Variants in PPM1L observed in about 807,000 individuals in gnomAD.
PPM1L encodes the protein protein phosphatase 1L.
PPM1L carries 13 observed loss-of-function variants against 31.4 expected under a neutral mutation model. The observed-to-expected ratio is 0.41, with a 90% confidence interval of 0.27 to 0.66. The LOEUF (loss-of-function observed/expected upper bound fraction) is 0.66, where lower values mean the gene tolerates loss of function less well. PPM1L is among the 30% of genes least tolerant of loss of function. The pLI, the probability that PPM1L is intolerant of heterozygous loss-of-function variation, is 0.29. For synonymous variants in PPM1L, 184 were observed against 175.4 expected, an observed-to-expected ratio of 1.05 and a Z score of -0.39; for missense variants, 326 against 453.7, an observed-to-expected ratio of 0.72 and a Z score of 2.56.
At chr3:160,946,241 A>T (rs1459987565) in intron 1 of PPM1L, among the ~76,000 whole-genome samples, 3 of 152,192 alleles carry the variant, frequency 2.0e-5, no homozygotes, top group Non-Finnish European at 4.4e-5. Flanking sequence ...ATGAAACCAT[A>T]GACTTTACCA....
chr3:161,055,515 C>T (rs1719387293), intron 2 of PPM1L, among the ~76,000 whole-genome samples: 1 of 152,116 alleles, frequency 6.6e-6, no homozygotes, highest in African/African-American at 2.4e-5. Context: ...CGTTATCAGG[C>T]CTTGATGTCA....
chr3:161,004,884 T>C (rs1339646325), intron 2 of PPM1L, among the ~76,000 whole-genome samples: 1 of 152,198 alleles, frequency 6.6e-6, no homozygotes, highest in Non-Finnish European at 1.5e-5. Flanking sequence ...TTCTGCTAGC[T>C]TTTGAATGTG....
rs1350342833 is a variant in PPM1L, at chr3:160,797,515, A to G, written c.399+40808A>G. On this transcript the variant is annotated intron_variant, in intron 1 of 3. Coordinates refer to ENST00000498165, the MANE Select transcript of PPM1L (RefSeq NM_139245.4). ...CACTTTAAATCAAAAGCTAGAAATG[A>G]TTAAGCTTAGTGAGGAAGGCATGTT... 2.0e-5 allele frequency among the ~76,000 whole-genome samples: 3 copies of G among 152,218 alleles called. No homozygotes were observed. The East Asian group carries it at 5.8e-4, about 29-fold the overall frequency.
intron 2 of PPM1L, among the ~76,000 whole-genome samples, chr3:160,998,620 G>A (rs1040673536): frequency 6.6e-6 from 1 of 152,034 alleles, no homozygotes; most frequent in African/African-American, 2.4e-5. Context: ...TGGAACTACT[G>A]GATGACATTT....
Position 161,072,497 on chromosome 3 carries a change from T to A in PPM1L, c.*3340T>A, listed in dbSNP as rs551943931. On this transcript the variant is annotated 3_prime_UTR_variant, in exon 4 of 4. Coordinates refer to ENST00000498165, the MANE Select transcript of PPM1L (RefSeq NM_139245.4). ...TAATTATTACATCATTTTGGGTAAATGGCAAACAGGATTGCATGAGAGTGA... is the reference window on the plus strand; with the variant it reads ...TAATTATTACATCATTTTGGGTAAAAGGCAAACAGGATTGCATGAGAGTGA... The A allele has an allele frequency of 2.4e-4, 36 of 152,362 alleles. No individual in the cohort carries two copies. Among genetic ancestry groups the A allele is most frequent in the African/African-American group, 8.7e-4 (36 of 41,588 alleles). 9.4% of individuals were successfully genotyped at this position (152,362 alleles called of 1,614,324 possible). A position where few individuals can be genotyped will look rare whatever the true frequency, so the allele number is the denominator to read the frequency against.
At chr3:160,878,403 A>G (rs569267855) in intron 1 of PPM1L, among the ~76,000 whole-genome samples, 1 of 152,294 alleles carries the variant, frequency 6.6e-6, no homozygotes, top group East Asian at 1.9e-4. Context: ...GTGCTGGCTT[A>G]TTTAGTTCCT....
intron 1 of PPM1L, among the ~76,000 whole-genome samples, chr3:160,899,535 C>T (rs906993779): frequency 2.4e-4 from 37 of 152,104 alleles, no homozygotes; most frequent in Non-Finnish European, 5.9e-5. Context: ...CTAGTTTTCC[C>T]TTGAGTAAGT....
chr3:160,798,081 G>A (rs1053972551), intron 1 of PPM1L, among the ~76,000 whole-genome samples: 1 of 152,166 alleles, frequency 6.6e-6, no homozygotes, highest in African/African-American at 2.4e-5. Context: ...GGGAGGCTGA[G>A]GCAGGAGAAT....
chr3:160,943,018 G>A (rs763763566), intron 1 of PPM1L, among the ~76,000 whole-genome samples: 2 of 151,874 alleles, frequency 1.3e-5, no homozygotes, highest in Admixed American at 6.6e-5. Flanking sequence ...AAGGAACTGA[G>A]GAGTAAAAAA....
At chr3:160,836,845 C>T (rs936405042) in intron 1 of PPM1L, among the ~76,000 whole-genome samples, 5 of 152,142 alleles carry the variant, frequency 3.3e-5, no homozygotes, top group African/African-American at 1.2e-4. Flanking sequence ...TGACAAAGAT[C>T]GTGGAAGCTT....
chr3:161,004,199 C>G (rs907477956), intron 2 of PPM1L, among the ~76,000 whole-genome samples: 1 of 146,914 alleles, frequency 6.8e-6, no homozygotes, highest in Admixed American at 6.9e-5. Flanking sequence ...CCCACTTGAT[C>G]ATGGTGGATA....
At chr3:160,901,926 C>T (rs1713557454) in intron 1 of PPM1L, among the ~76,000 whole-genome samples, 1 of 151,984 alleles carries the variant, frequency 6.6e-6, no homozygotes, top group African/African-American at 2.4e-5. Flanking sequence ...CTCATTTGTT[C>T]ATTTTGTCAA....
At chr3:160,926,851 G>A (rs550207663) in intron 1 of PPM1L, among the ~76,000 whole-genome samples, 7 of 152,128 alleles carry the variant, frequency 4.6e-5, no homozygotes, top group Admixed American at 2.0e-4. Context: ...TGGGTTATTG[G>A]ATATGTAAAA....
intron 1 of PPM1L, among the ~76,000 whole-genome samples, chr3:160,927,925 T>A (rs180782365): frequency 2.0e-5 from 3 of 152,120 alleles, no homozygotes; most frequent in Non-Finnish European, 4.4e-5. Flanking sequence ...ATGAATTAAT[T>A]AAATAGAGAA....
rs1021594966 is a variant in PPM1L, at chr3:160,756,779, GTGTGTGTGTGTA to G, written c.399+74_399+85del. ...TGTGTGTGTGTGTGTGTGTGTGTGT[GTGTGTGTGTGTA>G]TAAACAACAGGACAGCGTGTGCGCA... On this transcript the variant is annotated intron_variant, in intron 1 of 3. Transcript: ENST00000498165. The surrounding 1 kb of genome is among the most constrained non-coding windows in gnomAD (Gnocchi z 6.2). The G allele has an allele frequency of 5.6e-6, 8 of 1,431,690 alleles. No homozygotes were observed. In the African/African-American group the frequency reaches 1.2e-4, roughly 22 times the overall value. 88.7% of individuals were successfully genotyped at this position (1,431,690 alleles called of 1,614,324 possible).
At chr3:161,018,130 T>C (rs767325083) in intron 2 of PPM1L, among the ~76,000 whole-genome samples, 2 of 152,216 alleles carry the variant, frequency 1.3e-5, no homozygotes, top group Non-Finnish European at 2.9e-5. Flanking sequence ...AGACTGTGTA[T>C]GCATGTGTTA....
chr3:160,891,579 G>A (rs995972684), intron 1 of PPM1L, among the ~76,000 whole-genome samples: 1 of 152,166 alleles, frequency 6.6e-6, no homozygotes, highest in African/African-American at 2.4e-5. Flanking sequence ...CATTGTGCAA[G>A]ACAGCATGGC....
intron 2 of PPM1L, among the ~76,000 whole-genome samples, chr3:160,982,721 T>C (rs915813329): frequency 6.6e-6 from 1 of 152,200 alleles, no homozygotes; most frequent in Non-Finnish European, 1.5e-5. Flanking sequence ...GCTTGTCTTT[T>C]TCTTTCACTT....
At chr3:160,807,998 G>A (rs1712655852) in intron 1 of PPM1L, among the ~76,000 whole-genome samples, 1 of 152,094 alleles carries the variant, frequency 6.6e-6, no homozygotes. Context: ...GACGAGGATT[G>A]ACTACTGTCT....
Sources: gnomAD v4.1 joint callset for allele counts (sites outside exome capture counted in the v4.1 genomes callset) on GRCh38, gnomAD v4.1.1 for gene constraint, Gnocchi (gnomAD v3.1) non-coding constraint, MANE v1.5 for transcripts, NCBI Gene and HGNC (gene_info 2026-07-23, HGNC 2026-07-21) for gene names.